The following IGF1 variants were observed in gnomAD, a reference collection of about 807,000 sequenced individuals.
The protein encoded by IGF1 is insulin like growth factor 1, also known as insulin-like growth factor 1.
A neutral mutation model predicts 13.8 loss-of-function variants in IGF1; 4 were observed. The ratio of observed to expected loss-of-function variants is 0.29; its 90% CI spans 0.14 to 0.66. IGF1 has a LOEUF of 0.66. Among genes scored for constraint, IGF1 ranks in the 30% least tolerant of loss-of-function variants. IGF1 has a pLI of 0.78. For synonymous variants in IGF1, 76 were observed against 72.6 expected (o/e 1.05, Z -0.23); for missense variants, 124 against 188.5 (o/e 0.66, Z 2.00).
chr12:102,463,123 T>C (rs1428238922), intron 2 of IGF1: 1 of 152,210 alleles, frequency 6.6e-6, no homozygotes, highest in African/African-American at 2.4e-5. Flanking sequence ...TTTGGCAGTG[T>C]GGCAGCTGAT....
intron 2 of IGF1, among the ~76,000 whole-genome samples, chr12:102,425,056 C>G (rs987451222): frequency 5.3e-5 from 8 of 152,158 alleles, no homozygotes; most frequent in Non-Finnish European, 1.0e-4. Flanking sequence ...TACTCAAACA[C>G]ATATTAGGGA....
intron 2 of IGF1, among the ~76,000 whole-genome samples, chr12:102,453,693 A>G (rs539891401): frequency 4.6e-5 from 7 of 152,348 alleles, no homozygotes; most frequent in African/African-American, 1.4e-4. Context: ...CAGCATTTCC[A>G]TGGCTAGGGA....
chr12:102,412,364 G>T (rs1874719562), intron 3 of IGF1, among the ~76,000 whole-genome samples: 1 of 151,932 alleles, frequency 6.6e-6, no homozygotes, highest in African/African-American at 2.4e-5. Context: ...TCTGTAATGG[G>T]TGCAACAATG....
intron 2 of IGF1, among the ~76,000 whole-genome samples, chr12:102,463,882 C>A (rs1250159853): frequency 3.9e-5 from 6 of 152,230 alleles, no homozygotes; most frequent in Non-Finnish European, 7.3e-5. Context: ...TTTGTGACCT[C>A]ATGCACATCA....
chr12:102,396,213 G>A lies in IGF1; in HGVS notation c.*6294C>T, dbSNP rs1049072266. On this transcript the variant is annotated 3_prime_UTR_variant, in exon 4 of 4. Coordinates refer to ENST00000337514, the MANE Select transcript of IGF1 (RefSeq NM_000618.5). Reference sequence around the variant, plus strand: ...TATTTATCACACTTGGCCTATAAGTGTGATAAAAATACATGAGGCAAAATA... The same window carrying A: ...TATTTATCACACTTGGCCTATAAGTATGATAAAAATACATGAGGCAAAATA... The A allele has an allele frequency of 3.3e-5, 5 of 152,194 alleles. No individual in the cohort carries two copies. Among genetic ancestry groups the A allele is most frequent in the Admixed American group, 2.6e-4 (4 of 15,266 alleles). 9.4% of individuals were successfully genotyped at this position (152,194 alleles called of 1,614,324 possible).
At chr12:102,438,364 G>A (rs1290057291) in intron 2 of IGF1, among the ~76,000 whole-genome samples, 1 of 152,162 alleles carries the variant, frequency 6.6e-6, no homozygotes, top group Admixed American at 6.5e-5. Context: ...GATCTTTTCA[G>A]CTCAGCATTC....
At chr12:102,407,272 C>T (rs1874256519) in intron 3 of IGF1, among the ~76,000 whole-genome samples, 1 of 152,102 alleles carries the variant, frequency 6.6e-6, no homozygotes, top group South Asian at 2.1e-4. Context: ...CTGTCAGTCC[C>T]ACGTACAAGC....
intron 2 of IGF1, among the ~76,000 whole-genome samples, chr12:102,467,900 C>T (rs1409106589): frequency 6.6e-6 from 1 of 152,178 alleles, no homozygotes; most frequent in African/African-American, 2.4e-5. Flanking sequence ...GGATTTCAGT[C>T]AGCATTTGGC....
At position 102,420,616 on chromosome 12, in the gene IGF1, G is replaced by A. The variant is rs192385093; in HGVS notation, c.221-926C>T. Among the ~76,000 whole-genome samples the A allele has an allele frequency of 2.0e-5, 3 of 152,138 alleles. No homozygotes were observed. The East Asian group carries it at 5.8e-4, about 29-fold the overall frequency. The stretch of plus-strand genomic sequence containing the variant: ...CTAATTACAATACCAATCTAGTAGG[G>A]CTCCCTCTCTTACCACCCCAAGAGG... On this transcript the variant is annotated intron_variant, in intron 2 of 3. Transcript: ENST00000337514.
chr12:102,419,457 C>T, intron 3 of IGF1, 52 bp downstream of exon 3: 1 of 1,577,810 alleles, frequency 6.3e-7, no homozygotes, highest in Non-Finnish European at 8.6e-7. Flanking sequence ...CACCCACATG[C>T]ACAAGAGAGA....
chr12:102,441,958 T>TTCTTCTTCTTC (rs1180940405), intron 2 of IGF1, among the ~76,000 whole-genome samples: 1,736 of 40,958 alleles, frequency 0.042, 34 homozygotes, highest in Middle Eastern at 0.12. Context: ...TCTTCTTCTT[T>TTCTTCTTCTTC]TTTTTTTTTG....
chr12:102,478,824 C>G (rs1208389025), intron 1 of IGF1, among the ~76,000 whole-genome samples: 1 of 152,190 alleles, frequency 6.6e-6, no homozygotes, highest in Non-Finnish European at 1.5e-5. Context: ...CTCCCTTCCC[C>G]CGACTCACTC....
intron 2 of IGF1, among the ~76,000 whole-genome samples, chr12:102,450,629 A>G (rs1878838919): frequency 6.6e-6 from 1 of 152,264 alleles, no homozygotes; most frequent in African/African-American, 2.4e-5. Context: ...TGGCAAATAC[A>G]GATACAGGGC....
chr12:102,445,934 T>C (rs559826715), intron 2 of IGF1, among the ~76,000 whole-genome samples: 1 of 152,216 alleles, frequency 6.6e-6, no homozygotes, highest in Non-Finnish European at 1.5e-5. Context: ...TGAGAGTTTT[T>C]AGCATGAAGG....
At chr12:102,448,200 A>T (rs1423810002) in intron 2 of IGF1, among the ~76,000 whole-genome samples, 1 of 149,232 alleles carries the variant, frequency 6.7e-6, no homozygotes, top group Non-Finnish European at 1.5e-5. Context: ...TATATACCCA[A>T]AGGACTATAA....
chr12:102,443,836 A>T (rs967813870), intron 2 of IGF1, among the ~76,000 whole-genome samples: 1 of 151,812 alleles, frequency 6.6e-6, no homozygotes, highest in Non-Finnish European at 1.5e-5. Context: ...TTATTTATTT[A>T]TTTTTTGAGA....
chr12:102,444,401 C>T (rs1878136532), intron 2 of IGF1, among the ~76,000 whole-genome samples: 1 of 151,908 alleles, frequency 6.6e-6, no homozygotes, highest in African/African-American at 2.4e-5. Flanking sequence ...TACTAGACTG[C>T]AACAGGAGAG....
intron 2 of IGF1, among the ~76,000 whole-genome samples, chr12:102,428,592 C>T (rs889759420): frequency 1.3e-5 from 2 of 152,186 alleles, no homozygotes; most frequent in Admixed American, 6.5e-5. Flanking sequence ...ATGGCCCTCA[C>T]TTCTGTGGGC....
intron 2 of IGF1, among the ~76,000 whole-genome samples, chr12:102,431,005 C>G (rs1042967335): frequency 6.6e-6 from 1 of 152,202 alleles, no homozygotes; most frequent in African/African-American, 2.4e-5. Flanking sequence ...TCTTTTCAAA[C>G]CAAATTCCTC....
Sources: allele counts gnomAD v4.1 joint callset (sites outside exome capture counted in the v4.1 genomes callset), GRCh38; gene constraint gnomAD v4.1.1; transcripts MANE v1.5; gene names NCBI Gene and HGNC (gene_info 2026-07-23, HGNC 2026-07-21).